CLIP4: variants seen among roughly 807,000 people sequenced by gnomAD.
The protein encoded by CLIP4 is CAP-Gly domain-containing linker protein 4.
In CLIP4, 47 loss-of-function variants were observed where a neutral mutation model predicts 73.1. The observed-to-expected ratio is 0.64, with a 90% CI of 0.51 to 0.82. The LOEUF (loss-of-function observed/expected upper bound fraction) is 0.82. CLIP4 is among the 40% of genes least tolerant of loss of function. The pLI is 0.00. For synonymous variants in CLIP4, 306 were observed against 295.4 expected, an observed-to-expected ratio of 1.04 and a Z score of -0.37; for missense variants, 874 against 852.9, an observed-to-expected ratio of 1.02 and a Z score of -0.31.
At chr2:29,177,847 T>C (rs1482809613) in intron 15 of CLIP4, among the ~76,000 whole-genome samples, 1 of 152,200 alleles carries the variant, frequency 6.6e-6, no homozygotes, top group African/African-American at 2.4e-5. Flanking sequence ...CCAATAAATA[T>C]TTTTGAATGA....
chr2:29,114,832 C>A (rs1402533093), upstream of CLIP4: 1 of 152,292 alleles, frequency 6.6e-6, no homozygotes, highest in Non-Finnish European at 1.5e-5. Flanking sequence ...AAACTTCGGT[C>A]ATGGTCTTAC....
intron 6 of CLIP4, among the ~76,000 whole-genome samples, chr2:29,143,232 C>T (rs1413862523): frequency 6.6e-6 from 1 of 152,190 alleles, no homozygotes. Context: ...CACCGCTCCC[C>T]ACATGGACGC....
intron 1 of CLIP4, among the ~76,000 whole-genome samples, chr2:29,119,311 AGTTGTGTAC>A (rs1664092672): frequency 6.6e-6 from 1 of 152,186 alleles, no homozygotes; most frequent in African/African-American, 2.4e-5. Flanking sequence ...GGTGACTGCT[AGTTGTGTAC>A]GATAGAGTTC....
At chr2:29,168,645 C>T (rs993345477) in intron 14 of CLIP4, among the ~76,000 whole-genome samples, 4 of 150,866 alleles carry the variant, frequency 2.7e-5, no homozygotes, top group Admixed American at 6.6e-5. Context: ...GCCTCAGCCT[C>T]CCAAGTAGCT....
At chr2:29,154,350 C>T (rs1455581951) in intron 9 of CLIP4, among the ~76,000 whole-genome samples, 1 of 152,056 alleles carries the variant, frequency 6.6e-6, no homozygotes, top group Non-Finnish European at 1.5e-5. Context: ...CTTTTCTTTC[C>T]CTTGTTTCCC....
chr2:29,132,872 A>G (rs1558529597), intron 4 of CLIP4, among the ~76,000 whole-genome samples: 1 of 152,224 alleles, frequency 6.6e-6, no homozygotes, highest in South Asian at 2.1e-4. Flanking sequence ...GCCATAAAAT[A>G]TAAGCCCAAA....
At chr2:29,166,322 C>A (rs939182365) in intron 13 of CLIP4, among the ~76,000 whole-genome samples, 4 of 152,044 alleles carry the variant, frequency 2.6e-5, no homozygotes, top group Non-Finnish European at 5.9e-5. Flanking sequence ...CCTTTCCCCC[C>A]ACCCCTTTCT....
chr2:29,132,378 A>T (rs934372421), intron 4 of CLIP4, 133 bp downstream of exon 4: 30 of 719,674 alleles, frequency 4.2e-5, no homozygotes, highest in Non-Finnish European at 6.7e-5. Flanking sequence ...AGAGCTGAGG[A>T]TTCAGTTAGG....
intron 14 of CLIP4, among the ~76,000 whole-genome samples, chr2:29,168,897 A>T (rs1221422307): frequency 6.6e-6 from 1 of 151,366 alleles, no homozygotes; most frequent in Admixed American, 6.6e-5. Context: ...TTTCTAAAAG[A>T]TTTATATTTT....
intron 2 of CLIP4, among the ~76,000 whole-genome samples, chr2:29,124,935 C>T (rs1320237758): frequency 1.3e-5 from 2 of 152,174 alleles, no homozygotes; most frequent in Admixed American, 1.3e-4. Flanking sequence ...TCTTTCTTTG[C>T]TTGCCTGATA....
At chr2:29,158,687 A>G (rs1233023834) in intron 11 of CLIP4, among the ~76,000 whole-genome samples, 1 of 152,228 alleles carries the variant, frequency 6.6e-6, no homozygotes, top group Non-Finnish European at 1.5e-5. Flanking sequence ...TAGGTTAAAA[A>G]ATTAGAGAAA....
intron 15 of CLIP4, among the ~76,000 whole-genome samples, chr2:29,177,924 A>G (rs1482260337): frequency 6.6e-6 from 1 of 152,218 alleles, no homozygotes; most frequent in African/African-American, 2.4e-5. Context: ...GAGCTTTGAC[A>G]TACCTTGAAT....
chr2:29,152,268 T>A (rs569853145), intron 8 of CLIP4, among the ~76,000 whole-genome samples: 1 of 152,316 alleles, frequency 6.6e-6, no homozygotes, highest in African/African-American at 2.4e-5. Context: ...CTCACTGTTA[T>A]TTGCCAATTG....
chr2:29,142,678 C>T (rs181469747), intron 6 of CLIP4, among the ~76,000 whole-genome samples: 55 of 152,280 alleles, frequency 3.6e-4, no homozygotes, highest in Non-Finnish European at 6.8e-4. Context: ...CAATTGCAAA[C>T]TAAGTGTGTT....
rs1371667137 is a variant in CLIP4 at position 29,131,283 on chromosome 2, T to C, written c.159T>C (p.Asp53=). The part of the protein sequence containing the change: ...DCEFSFFDPN[D]ASCQEILFDP... Reference sequence around the variant, plus strand: ...AATTTTCTTTCTTTGATCCTAATGATGCATCATGCCAGGAAATTCTTTTTG... The same window carrying C: ...AATTTTCTTTCTTTGATCCTAATGACGCATCATGCCAGGAAATTCTTTTTG... Residue 53 remains aspartate, a synonymous_variant, in exon 3 of 16, where the codon GAT becomes GAC. Coordinates refer to ENST00000320081, the MANE Select transcript of CLIP4 (RefSeq NM_024692.6). The C allele has an allele frequency of 1.9e-6, 3 of 1,606,350 alleles. No homozygotes were observed. Among genetic ancestry groups the C allele is most frequent in the Non-Finnish European group, 2.5e-6 (3 of 1,177,142 alleles).
chr2:29,164,081 C>A, intron 13 of CLIP4, 127 bp downstream of exon 13: 3 of 789,544 alleles, frequency 3.8e-6, no homozygotes, highest in Non-Finnish European at 5.8e-6. Flanking sequence ...AGGGGTTAAC[C>A]AACCACCTTC....
At chr2:29,102,834 C>T (rs1476692228) in intron 1 of CLIP4, among the ~76,000 whole-genome samples, 1 of 152,136 alleles carries the variant, frequency 6.6e-6, no homozygotes, top group Non-Finnish European at 1.5e-5. Flanking sequence ...CCATGTTGGC[C>T]AGGCTGGTCA....
chr2:29,138,694 T>C (rs766636229), intron 6 of CLIP4, among the ~76,000 whole-genome samples: 20 of 152,094 alleles, frequency 1.3e-4, no homozygotes, highest in Non-Finnish European at 2.4e-4. Context: ...TTCATAGTTA[T>C]TGTAGAGATC....
At chr2:29,173,201 T>C (rs1372161812) in intron 14 of CLIP4, among the ~76,000 whole-genome samples, 1 of 152,178 alleles carries the variant, frequency 6.6e-6, no homozygotes, top group Non-Finnish European at 1.5e-5. Context: ...CCTGGGACTT[T>C]AATTTATAGT....
Sources: gnomAD v4.1 joint callset for allele counts (sites outside exome capture counted in the v4.1 genomes callset) on GRCh38, gnomAD v4.1.1 for gene constraint, MANE v1.5 for transcripts, NCBI Gene and HGNC (gene_info 2026-07-23, HGNC 2026-07-21) for gene names.